Variants in ZGRF1 observed in about 807,000 individuals in gnomAD.
ZGRF1 encodes 5'-3' DNA helicase ZGRF1.
Under a neutral mutation model 203.5 loss-of-function variants are expected in ZGRF1, and 196 were observed. The ratio of observed to expected loss-of-function variants is 0.96; its 90% confidence interval spans 0.86 to 1.08. The LOEUF (loss-of-function observed/expected upper bound fraction) is 1.08, where lower values mean the gene tolerates loss of function less well. Ranked by LOEUF, ZGRF1 falls within the 50% of genes least tolerant of loss-of-function variation. The pLI, the probability that ZGRF1 is intolerant of heterozygous loss-of-function variation, is 0.00. For synonymous variants in ZGRF1, 809 were observed against 841.3 expected, an observed-to-expected ratio of 0.96 and a Z score of 0.66; for missense variants, 2,326 against 2,416.3, an observed-to-expected ratio of 0.96 and a Z score of 0.78.
Position 112,619,673 on chromosome 4 carries a change from A to G in ZGRF1, c.369T>C (p.Arg123=), listed in dbSNP as rs763785857. The G allele has an allele frequency of 1.9e-6, 3 of 1,604,530 alleles. No individual in the cohort carries two copies. The highest frequency in any genetic ancestry group is 1.7e-6 in the Non-Finnish European group (2 of 1,176,512). ...KRKFTGFQGP[R]QVPKKMVIME... ...TAATAACCATTTTCTTTGGAACCTG[A>G]CGTGGTCCTTGAAAACCCTGAAAAT... Residue 123 remains arginine, a synonymous_variant, in exon 6 of 28, where the codon CGT becomes CGC. Transcript: ENST00000505019.
intron 9 of ZGRF1, among the ~76,000 whole-genome samples, chr4:112,604,319 C>T (rs1170901496): frequency 6.6e-6 from 1 of 151,950 alleles, no homozygotes; most frequent in Non-Finnish European, 1.5e-5. Flanking sequence ...ATAATAATAG[C>T]TAATTAAACC....
rs80213659 is a variant in ZGRF1, at chr4:112,541,239, T to C, written c.5628A>G (p.Gln1876=). ...CACTGATTGCAGGATGACAACGGTA[T>C]TGAGTTCTCAATAGAATTGGCTTGT... is the stretch of plus-strand genomic sequence containing the variant. The part of the protein sequence containing the change: ...MGHKPILLRT[Q]YRCHPAISAI... The change falls in exon 25 of 28, where the codon CAA becomes CAG. Residue 1876 remains glutamine, a synonymous_variant. Transcript: ENST00000505019. 4.8e-3 allele frequency: 7,672 copies of C among 1,600,160 alleles called. 266 individuals carry two copies. In the East Asian group the frequency reaches 0.098, roughly 20 times the overall value.
At chr4:112,565,087 G>C (rs1159292523) in intron 16 of ZGRF1, 1 of 1,290,646 alleles carries the variant, frequency 7.7e-7, no homozygotes, top group African/African-American at 1.5e-5. Context: ...GCCCTCTACT[G>C]GAGGGGTGAA....
intron 16 of ZGRF1, among the ~76,000 whole-genome samples, chr4:112,570,475 C>A (rs1409335945): frequency 6.6e-6 from 1 of 151,920 alleles, no homozygotes; most frequent in African/African-American, 2.4e-5. Context: ...GTAATCCCAG[C>A]TACTTGGGAG....
intron 16 of ZGRF1, among the ~76,000 whole-genome samples, chr4:112,578,477 C>G (rs1163488745): frequency 8.3e-6 from 1 of 119,892 alleles, no homozygotes; most frequent in Non-Finnish European, 1.9e-5. Context: ...ATCAATGAAT[C>G]CAGGAGCTGG....
chr4:112,549,709 C>T (rs1739536688), intron 22 of ZGRF1, among the ~76,000 whole-genome samples: 1 of 151,882 alleles, frequency 6.6e-6, no homozygotes, highest in South Asian at 2.1e-4. Flanking sequence ...TAATAAATGA[C>T]CATTTTAGCG....
At chr4:112,568,725 A>G (rs1222189580) in intron 16 of ZGRF1, among the ~76,000 whole-genome samples, 2 of 142,082 alleles carry the variant, frequency 1.4e-5, no homozygotes, top group African/African-American at 5.2e-5. Context: ...AAAAAAAAAA[A>G]AAAAAAAAAG....
chr4:112,588,899 G>C (rs1287772363), intron 11 of ZGRF1, among the ~76,000 whole-genome samples: 2 of 152,154 alleles, frequency 1.3e-5, no homozygotes, highest in African/African-American at 4.8e-5. Flanking sequence ...TAAAGTAAAA[G>C]ATTCATGGTA....
chr4:112,575,621 G>C (rs974143753), intron 16 of ZGRF1, among the ~76,000 whole-genome samples: 2 of 152,210 alleles, frequency 1.3e-5, no homozygotes, highest in African/African-American at 4.8e-5. Context: ...CAGCACACCA[G>C]GATATTATAT....
intron 10 of ZGRF1, among the ~76,000 whole-genome samples, chr4:112,601,205 G>A (rs113299832): frequency 6.6e-6 from 1 of 151,956 alleles, no homozygotes; most frequent in African/African-American, 2.4e-5. Flanking sequence ...GAGCCCAGGA[G>A]TTCAAAACCA....
chr4:112,602,545 CATAAGT>C (rs1370218121), intron 10 of ZGRF1, among the ~76,000 whole-genome samples: 1 of 152,200 alleles, frequency 6.6e-6, no homozygotes, highest in Non-Finnish European at 1.5e-5. Flanking sequence ...ATATAACCAA[CATAAGT>C]ATGTCACGCA....
At chr4:112,625,864 C>T (rs2047224018) in intron 3 of ZGRF1, among the ~76,000 whole-genome samples, 1 of 150,130 alleles carries the variant, frequency 6.7e-6, no homozygotes, top group Non-Finnish European at 1.5e-5. Flanking sequence ...CATTGCACTC[C>T]AGCCTGGGCA....
chr4:112,563,195 T>C lies in ZGRF1; in HGVS notation c.4518A>G (p.Ser1506=), dbSNP rs1476061393. ...GCAGTATTTCTATCTCATTGATAGA[T>C]GATGGTCCAAAGAAAGCACTACATG... ...FIACSAFFGP[S]SINEIEILPL... Residue 1506 remains serine, a synonymous_variant, in exon 17 of 28, where the codon TCA becomes TCG. Transcript: ENST00000505019. The C allele has an allele frequency of 3.2e-6, 5 of 1,550,210 alleles. No homozygotes were observed. Among genetic ancestry groups the C allele is most frequent in the Non-Finnish European group, 4.4e-6 (5 of 1,145,778 alleles).
At chr4:112,629,281 A>G (rs1397591121) in intron 3 of ZGRF1, among the ~76,000 whole-genome samples, 1 of 152,266 alleles carries the variant, frequency 6.6e-6, no homozygotes, top group Non-Finnish European at 1.5e-5. Context: ...ATATAGAGAT[A>G]ATGAAGTAAT....
intron 5 of ZGRF1, 71 bp from the exon 6 acceptor site, chr4:112,619,761 A>G: frequency 2.4e-6 from 3 of 1,231,918 alleles, no homozygotes; most frequent in Non-Finnish European, 3.4e-6. Context: ...CTGGCTAAGA[A>G]AAAAAAAGGA....
chr4:112,629,238 G>C (rs979189954), intron 3 of ZGRF1, among the ~76,000 whole-genome samples: 3 of 152,222 alleles, frequency 2.0e-5, no homozygotes, highest in Admixed American at 6.5e-5. Context: ...CAACGTGAAA[G>C]TACCCTGTAA....
chr4:112,631,843 C>T (rs1034467804), intron 3 of ZGRF1, 87 bp downstream of exon 3: 3 of 599,068 alleles, frequency 5.0e-6, no homozygotes, highest in South Asian at 6.2e-5. Context: ...ATATATCTGA[C>T]ATTTTATCAT....
intron 19 of ZGRF1, among the ~76,000 whole-genome samples, chr4:112,559,386 G>A (rs1741524351): frequency 6.6e-6 from 1 of 152,060 alleles, no homozygotes; most frequent in South Asian, 2.1e-4. Flanking sequence ...TTTTTGTAGA[G>A]ACAGCATTTT....
At chr4:112,594,268 A>G (rs1054426073) in intron 10 of ZGRF1, among the ~76,000 whole-genome samples, 10 of 152,158 alleles carry the variant, frequency 6.6e-5, no homozygotes, top group Non-Finnish European at 1.5e-5. Flanking sequence ...TTCAATAGGT[A>G]CTTTTGAATT....
Sources: allele counts gnomAD v4.1 joint callset (sites outside exome capture counted in the v4.1 genomes callset), GRCh38; gene constraint gnomAD v4.1.1; transcripts MANE v1.5; gene names NCBI Gene and HGNC (gene_info 2026-07-23, HGNC 2026-07-21).